The following CACNG6 variants were observed in gnomAD, a reference collection of about 807,000 sequenced individuals.
CACNG6 encodes voltage-dependent calcium channel gamma-6 subunit.
Under a neutral mutation model 23.9 loss-of-function variants are expected in CACNG6, and 21 were observed. The ratio of observed to expected loss-of-function variants is 0.88; its 90% CI spans 0.62 to 1.26. The LOEUF (loss-of-function observed/expected upper bound fraction) is 1.26. CACNG6 is among the 50% of genes most tolerant of loss of function. The probability of loss-of-function intolerance (pLI) is 0.00; values close to 1 mark genes in which losing one functional copy is unlikely to be tolerated. For synonymous variants in CACNG6, 182 were observed against 168.9 expected, an observed-to-expected ratio of 1.08 and a Z score of -0.60; for missense variants, 340 against 352.9, an observed-to-expected ratio of 0.96 and a Z score of 0.29.
chr19:54,006,830 C>T (rs145652106), intron 3 of CACNG6, among the ~76,000 whole-genome samples: 2,254 of 144,548 alleles, frequency 0.016, 37 homozygotes, highest in East Asian at 0.058. Context: ...CCACTGTGCC[C>T]GGCCTTCTTT....
intron 3 of CACNG6, among the ~76,000 whole-genome samples, chr19:54,010,031 C>CT (rs1228771084): frequency 8.5e-6 from 1 of 118,152 alleles, no homozygotes; most frequent in African/African-American, 3.7e-5. Flanking sequence ...GAGACTATTT[C>CT]TTTTCTTTCT....
Position 54,012,394 on chromosome 19 carries a change from G to C in CACNG6, c.*205G>C, listed in dbSNP as rs1416636453. The C allele has an allele frequency of 5.1e-6, 2 of 394,242 alleles. No individual in the cohort carries two copies. Among genetic ancestry groups the C allele is most frequent in the Non-Finnish European group, 9.0e-6 (2 of 222,616 alleles). The allele number at this position is 394,242 out of a possible 1,614,324, so 24.4% of individuals were successfully genotyped here. A position where few individuals can be genotyped will look rare whatever the true frequency, so the allele number is the denominator to read the frequency against. ...CTCTGTGGCTGTATGTGGGTTGCTT[G>C]GGGGTGGGATGGGAAGAGGCTCTTT... On this transcript the variant is annotated 3_prime_UTR_variant, in exon 4 of 4. Coordinates refer to ENST00000252729, the MANE Select transcript of CACNG6 (RefSeq NM_145814.2).
upstream of CACNG6, among the ~76,000 whole-genome samples, chr19:53,991,232 G>A (rs1169114906): frequency 6.6e-6 from 1 of 150,980 alleles, no homozygotes; most frequent in Non-Finnish European, 1.5e-5. Context: ...ACTCAGAAGT[G>A]GGGTACCGAG....
rs930761155 is a variant in CACNG6 at position 53,996,851 on chromosome 19, C to T, written c.332-1388C>T. Among the ~76,000 whole-genome samples, 280 of 142,804 alleles carry T rather than the reference C, an allele frequency of 2.0e-3. 1 individual carries two copies. The highest frequency in any genetic ancestry group is 6.9e-3 in the African/African-American group (266 of 38,540). The allele number at this position is 142,804 out of a possible 152,430, so 93.7% of individuals were successfully genotyped here. On this transcript the variant is annotated intron_variant, in intron 1 of 3. Coordinates refer to ENST00000252729, the MANE Select transcript of CACNG6 (RefSeq NM_145814.2). ...AATGAGATCATGCTATTGATTTTGT[C>T]TGATCTTTGGGATTTTTTTTTTTTT... is the stretch of plus-strand genomic sequence containing the variant.
At chr19:54,004,335 TTGTGTGTGTGTGTGTGTGTGTGTGTGTG>T (rs4022332) in intron 3 of CACNG6, among the ~76,000 whole-genome samples, 2 of 107,270 alleles carry the variant, frequency 1.9e-5, no homozygotes, top group East Asian at 2.7e-4. Flanking sequence ...TTTTGTATTT[TTGTGTGTGTGTGTGTGTGTGTGTGTGTG>T]TGTGTGTGTG....
At position 54,012,360 on chromosome 19, in the gene CACNG6, T is replaced by TA. The variant is rs2069728212; in HGVS notation, c.*172dup. ...CCCTTATCCTTTCTCCCTCTGTAAA[T>TA]ACGTTTTTCTCTGTGGCTGTATGTG... On this transcript the variant is annotated 3_prime_UTR_variant, in exon 4 of 4. Transcript: ENST00000252729. 4.6e-6 allele frequency: 2 copies of TA among 435,154 alleles called. No homozygotes were observed. Among genetic ancestry groups the TA allele is most frequent in the Admixed American group, 7.2e-5 (2 of 27,796 alleles). The allele number at this position is 435,154 out of a possible 1,614,324, so 27.0% of individuals were successfully genotyped here.
chr19:54,006,755 G>A (rs911633432), intron 3 of CACNG6, among the ~76,000 whole-genome samples: 11 of 151,736 alleles, frequency 7.2e-5, no homozygotes, highest in Middle Eastern at 3.5e-3. Context: ...GGCTGGTCTC[G>A]AACTCCTGGC....
chr19:54,011,205 A>AAAATATAT (rs58054808), intron 3 of CACNG6, among the ~76,000 whole-genome samples: 5 of 102,496 alleles, frequency 4.9e-5, no homozygotes, highest in African/African-American at 2.5e-4. Context: ...AAAAAAAAAA[A>AAAATATAT]ATATATATAT....
chr19:54,010,185 T>C (rs530626622), intron 3 of CACNG6, among the ~76,000 whole-genome samples: 1 of 151,862 alleles, frequency 6.6e-6, no homozygotes, highest in Admixed American at 6.6e-5. Flanking sequence ...CACGCCCAGC[T>C]AATTTTGTAG....
intron 3 of CACNG6, among the ~76,000 whole-genome samples, chr19:54,010,038 TTC>T (rs1293166244): frequency 0.047 from 4,612 of 98,042 alleles, 277 homozygotes; most frequent in African/African-American, 0.14. Context: ...TTTCTTTTCT[TTC>T]TTTTTTTTTT....
intron 1 of CACNG6, among the ~76,000 whole-genome samples, chr19:53,996,863 A>ATT (rs35192974): frequency 0.091 from 8,980 of 98,506 alleles, 660 homozygotes; most frequent in African/African-American, 0.17. Context: ...GATCTTTGGG[A>ATT]TTTTTTTTTT....
intron 3 of CACNG6, among the ~76,000 whole-genome samples, chr19:54,003,291 T>C (rs1467056309): frequency 6.6e-6 from 1 of 151,910 alleles, no homozygotes; most frequent in Non-Finnish European, 1.5e-5. Context: ...GCTGCGAGAG[T>C]GTGGGAGGAG....
chr19:54,010,495 GAA>G (rs933370693), intron 3 of CACNG6, among the ~76,000 whole-genome samples: 4 of 151,676 alleles, frequency 2.6e-5, no homozygotes, highest in Non-Finnish European at 5.9e-5. Flanking sequence ...TTTGCTTTAA[GAA>G]AAAAAAGTTG....
intron 3 of CACNG6, among the ~76,000 whole-genome samples, chr19:54,006,555 A>T: frequency 8.7e-6 from 1 of 114,498 alleles, no homozygotes; most frequent in African/African-American, 3.6e-5. Context: ...GTTGAGTCAG[A>T]GTCTGGCTCT....
chr19:53,999,532 G>A (rs7247590), intron 2 of CACNG6, 102 bp from the exon 3 acceptor site: 96,060 of 1,364,658 alleles, frequency 0.07, 4,204 homozygotes, highest in African/African-American at 0.2. Flanking sequence ...TTCTTCTCTC[G>A]TCCCGAATCT....
At chr19:54,007,864 C>T (rs2145966727) in intron 3 of CACNG6, among the ~76,000 whole-genome samples, 1 of 151,656 alleles carries the variant, frequency 6.6e-6, no homozygotes, top group East Asian at 1.9e-4. Flanking sequence ...CGCGCCACTG[C>T]ACTCCAGCCT....
At chr19:54,003,620 G>A (rs896542129) in intron 3 of CACNG6, among the ~76,000 whole-genome samples, 4 of 151,910 alleles carry the variant, frequency 2.6e-5, no homozygotes, top group Admixed American at 2.6e-4. Context: ...CTTGGCCTCC[G>A]AAAGTGCTGG....
chr19:54,007,130 C>A (rs1419992083), intron 3 of CACNG6, among the ~76,000 whole-genome samples: 1 of 152,114 alleles, frequency 6.6e-6, no homozygotes, highest in African/African-American at 2.4e-5. Context: ...CTCACTGCAG[C>A]CTCTGCCTGC....
intron 3 of CACNG6, among the ~76,000 whole-genome samples, chr19:54,004,546 G>A (rs545033822): frequency 1.2e-4 from 18 of 152,080 alleles, no homozygotes; most frequent in African/African-American, 3.6e-4. Context: ...ATCATAAGTC[G>A]GATCACGGAT....
Sources: allele counts gnomAD v4.1 joint callset (sites outside exome capture counted in the v4.1 genomes callset), GRCh38; gene constraint gnomAD v4.1.1; transcripts MANE v1.5; gene names NCBI Gene and HGNC (gene_info 2026-07-23, HGNC 2026-07-21).